The following RPL13 variants were observed in gnomAD, a reference collection of about 807,000 sequenced individuals.
The protein encoded by RPL13 is large ribosomal subunit protein eL13.
RPL13 carries 1 observed loss-of-function variant against 21.4 expected under a neutral mutation model. The ratio of observed to expected loss-of-function variants is 0.05; its 90% CI spans 0.02 to 0.22. The LOEUF (loss-of-function observed/expected upper bound fraction) is 0.22, where lower values mean the gene tolerates loss of function less well. RPL13 is among the 10% of genes least tolerant of loss of function. The probability of loss-of-function intolerance (pLI) is 1.00; values close to 1 mark genes in which losing one functional copy is unlikely to be tolerated. For synonymous variants in RPL13, 143 were observed against 120.5 expected, an observed-to-expected ratio of 1.19 and a Z score of -1.23; for missense variants, 289 against 303.0, an observed-to-expected ratio of 0.95 and a Z score of 0.34.
chr16:89,561,185 G>C, intron 2 of RPL13, 42 bp from the exon 3 acceptor site: 1 of 1,520,146 alleles, frequency 6.6e-7, no homozygotes, highest in Non-Finnish European at 8.8e-7. Context: ...TGGCCTGGCG[G>C]CCTTAGGCAA....
chr16:89,562,149 A>G lies in RPL13; in HGVS notation c.421-186A>G, dbSNP rs180804268. On this transcript the variant is annotated intron_variant, in intron 4 of 5. Transcript: ENST00000311528. ...TGTCTCGTGCGTGTTGCGTCAACTC[A>G]GTAAGATATAGTCACCTAACTAATA... is the stretch of plus-strand genomic sequence containing the variant. 44 of 642,200 alleles carry G rather than the reference A, an allele frequency of 6.9e-5. No homozygotes were observed. In the East Asian group the frequency reaches 1.1e-3, roughly 16 times the overall value. 39.8% of individuals were successfully genotyped at this position (642,200 alleles called of 1,614,324 possible).
In RPL13 at chr16:89,561,727, G is replaced by A. The variant is rs2058746460; in HGVS notation, c.396G>A (p.Ser132=). The change falls in exon 4 of 6, where the codon TCG becomes TCA. Residue 132 remains serine, a synonymous_variant. Transcript: ENST00000311528. ...SKLILFPRKP[S]APKKGDSSAE... ...TCATCCTCTTCCCCAGGAAGCCCTC[G>A]GCCCCCAAGAAGGGAGACAGTTCTG... The A allele has an allele frequency of 6.2e-7, 1 of 1,613,722 alleles. No individual in the cohort carries two copies. Among genetic ancestry groups the A allele is most frequent in the Non-Finnish European group, 8.5e-7 (1 of 1,179,968 alleles).
Position 89,560,913 on chromosome 16 carries a change from TCTCA to T in RPL13, c.-20-23_-20-20del, listed in dbSNP as rs767445562. 10 of 1,531,754 alleles carry T rather than the reference TCTCA, an allele frequency of 6.5e-6. No homozygotes were observed. In the East Asian group the frequency reaches 7.4e-5, roughly 11 times the overall value. The allele number at this position is 1,531,754 out of a possible 1,614,324, so 94.9% of individuals were successfully genotyped here. On this transcript the variant is annotated intron_variant, in intron 1 of 5. Coordinates refer to ENST00000311528, the MANE Select transcript of RPL13 (RefSeq NM_000977.4). ...GGGTGCGCGCGCCCGGGGTCCGGCC[TCTCA>T]CTCGCTCCCCTCTCGTCCGCAGCCG...
In RPL13 at chr16:89,561,369, G is replaced by T; in HGVS notation, c.246+1G>T. 1 of 1,608,738 alleles carries T rather than the reference G, an allele frequency of 6.2e-7. No homozygotes were observed. ...CGGCTTCAGCCTGGAGGAGCTCAGGGTGAGTACTGGCAGCGCTGCGGTGTC... is the reference window on the plus strand; with the variant it reads ...CGGCTTCAGCCTGGAGGAGCTCAGGTTGAGTACTGGCAGCGCTGCGGTGTC... On this transcript the variant is annotated splice_donor_variant, in intron 3 of 5. Coordinates refer to ENST00000311528, the MANE Select transcript of RPL13 (RefSeq NM_000977.4). LOFTEE classifies it high-confidence loss of function.
At chr16:89,566,247 G>C (rs1351138879), downstream of RPL13, 1 of 150,746 alleles carries the variant, frequency 6.6e-6, no homozygotes, top group Non-Finnish European at 1.5e-5. Context: ...CACGTGCCCC[G>C]GTGATCGGGG....
At chr16:89,560,796 CCTT>C (rs928962080) in intron 1 of RPL13, 84 bp downstream of exon 1, 117 of 562,826 alleles carry the variant, frequency 2.1e-4, no homozygotes, top group African/African-American at 2.0e-3. Flanking sequence ...TGGATGGGCC[CCTT>C]CTTCTTCGCA....
At chr16:89,562,424 G>C in intron 5 of RPL13, 33 bp downstream of exon 5, 1 of 1,603,984 alleles carries the variant, frequency 6.2e-7, no homozygotes, top group Non-Finnish European at 8.5e-7. Context: ...CCAGGCTTCA[G>C]ACGAGATCAG....
At chr16:89,561,848 A>G in intron 4 of RPL13, 97 bp downstream of exon 4, 1 of 1,342,726 alleles carries the variant, frequency 7.4e-7, no homozygotes, top group South Asian at 1.4e-5. Flanking sequence ...CTGGGGTGAG[A>G]AGAACCAAAA....
In RPL13 at chr16:89,561,042, A is replaced by G; in HGVS notation, c.83A>G (p.Gln28Arg). 1.2e-6 allele frequency: 2 copies of G among 1,606,794 alleles called. No individual in the cohort carries two copies. Among genetic ancestry groups the G allele is most frequent in the Non-Finnish European group, 1.7e-6 (2 of 1,178,044 alleles). ...WQRRVATWFN[Q>R]PARKIRRRKA... ...CGGCGCGTGGCCACGTGGTTCAACCAGCCGGCCCGTAAGATCCGCAGGTGA... is the reference window on the plus strand; with the variant it reads ...CGGCGCGTGGCCACGTGGTTCAACCGGCCGGCCCGTAAGATCCGCAGGTGA... The change falls in exon 2 of 6, where the codon CAG becomes CGG. Residue 28 changes from glutamine (Q) to arginine (R), a missense_variant. Physicochemically the swap from Gln to Arg is conservative, Grantham distance 43. Transcript: ENST00000311528.
Position 89,564,526 on chromosome 16 carries a change from A to C in RPL13, c.*1484A>C, listed in dbSNP as rs945365264. On this transcript the variant is annotated 3_prime_UTR_variant, in exon 6 of 6. Transcript: ENST00000311528. Reference sequence around the variant, plus strand: ...ACCTCATCTCTACTGAAAATACAAAAATTAGCTGAGTGGTGACACACGCCT... The same window carrying C: ...ACCTCATCTCTACTGAAAATACAAACATTAGCTGAGTGGTGACACACGCCT... 1 of 151,848 alleles carries C rather than the reference A, an allele frequency of 6.6e-6. No individual in the cohort carries two copies. The highest frequency in any genetic ancestry group is 2.4e-5 in the African/African-American group (1 of 41,108). 9.4% of individuals were successfully genotyped at this position (151,848 alleles called of 1,614,324 possible). A position where few individuals can be genotyped will look rare whatever the true frequency, so the allele number is the denominator to read the frequency against.
intron 4 of RPL13, 107 bp from the exon 5 acceptor site, chr16:89,562,228 A>G: frequency 9.8e-7 from 1 of 1,016,386 alleles, no homozygotes; most frequent in Non-Finnish European, 1.5e-6. Flanking sequence ...AGGCTCAGAC[A>G]CTGGTCCTGA....
At chr16:89,565,378 G>A (rs997251920), downstream of RPL13, 1 of 152,490 alleles carries the variant, frequency 6.6e-6, no homozygotes, top group South Asian at 2.1e-4. Context: ...TCCTGGGGCT[G>A]AGGAAGGCTT....
At position 89,564,385 on chromosome 16, in the gene RPL13, A is replaced by G. The variant is rs901005240; in HGVS notation, c.*1343A>G. 1 of 152,198 alleles carries G rather than the reference A, an allele frequency of 6.6e-6. No individual in the cohort carries two copies. Among genetic ancestry groups the G allele is most frequent in the Non-Finnish European group, 1.5e-5 (1 of 68,020 alleles). The allele number at this position is 152,198 out of a possible 1,614,324, so 9.4% of individuals were successfully genotyped here. ...AGGTGTATATGTTAACTTCGTGATC[A>G]GTTTGTATGTTTGGGACTCTTGTCC... On this transcript the variant is annotated 3_prime_UTR_variant, in exon 6 of 6. Coordinates refer to ENST00000311528, the MANE Select transcript of RPL13 (RefSeq NM_000977.4).
downstream of RPL13, chr16:89,565,188 G>C (rs1365418018): frequency 1.3e-5 from 2 of 152,302 alleles, no homozygotes; most frequent in African/African-American, 4.8e-5. Flanking sequence ...GGCTTTCTCT[G>C]TTGTCTGGGG....
At chr16:89,560,668 TGCGGGGCC>T, upstream of RPL13, 2 of 344,124 alleles carry the variant, frequency 5.8e-6, no homozygotes, top group Non-Finnish European at 5.3e-6. Flanking sequence ...CAGAGTGCAT[TGCGGGGCC>T]GCTTCCTTTC....
chr16:89,561,457 G>T, intron 3 of RPL13, 89 bp downstream of exon 3: 1 of 1,612,188 alleles, frequency 6.2e-7, no homozygotes, highest in Non-Finnish European at 8.5e-7. Flanking sequence ...CGGAATCGCT[G>T]TACGGCCTTG....
chr16:89,560,947 G>T lies in RPL13; in HGVS notation c.-13G>T, dbSNP rs754380880. Reference sequence around the variant, plus strand: ...CTCCCCTCTCGTCCGCAGCCGCAGGGCCGTAGGCAGCCATGGCGCCCAGCC... The same window carrying T: ...CTCCCCTCTCGTCCGCAGCCGCAGGTCCGTAGGCAGCCATGGCGCCCAGCC... On this transcript the variant is annotated 5_prime_UTR_variant, in exon 2 of 6. Coordinates refer to ENST00000311528, the MANE Select transcript of RPL13 (RefSeq NM_000977.4). The T allele has an allele frequency of 1.3e-5, 20 of 1,599,284 alleles. No homozygotes were observed. Among genetic ancestry groups the T allele is most frequent in the Non-Finnish European group, 1.7e-5 (20 of 1,175,458 alleles).
chr16:89,562,607 T>G (rs895697645), intron 5 of RPL13: 7 of 592,636 alleles, frequency 1.2e-5, no homozygotes, highest in East Asian at 3.1e-5. Flanking sequence ...TTTGTGTTTT[T>G]TTGTTGTTGT....
downstream of RPL13, chr16:89,564,954 C>T (rs983771862): frequency 2.0e-5 from 3 of 152,292 alleles, no homozygotes; most frequent in Non-Finnish European, 2.9e-5. Flanking sequence ...TACTGTGGGA[C>T]AAAAGCACTC....
Sources: allele counts gnomAD v4.1 joint callset, GRCh38; gene constraint gnomAD v4.1.1; transcripts MANE v1.5; gene names NCBI Gene and HGNC (gene_info 2026-07-23, HGNC 2026-07-21).